Variants in LIMCH1 observed in about 807,000 individuals in gnomAD.
LIMCH1 encodes the protein LIM and calponin homology domains-containing protein 1.
A neutral mutation model predicts 176.5 loss-of-function variants in LIMCH1; 113 were observed. The ratio of observed to expected loss-of-function variants is 0.64; its 90% CI spans 0.55 to 0.75. The LOEUF (loss-of-function observed/expected upper bound fraction) is 0.75. Among genes scored for constraint, LIMCH1 ranks in the 30% least tolerant of loss-of-function variants. LIMCH1 has a pLI of 0.00. For synonymous variants in LIMCH1, 619 were observed against 645.9 expected (o/e 0.96, Z 0.63); for missense variants, 1,674 against 1,814.9 (o/e 0.92, Z 1.41).
At chr4:41,677,344 G>C (rs1390839242) in intron 23 of LIMCH1, among the ~76,000 whole-genome samples, 13 of 152,080 alleles carry the variant, frequency 8.5e-5, no homozygotes, top group Admixed American at 7.9e-4. Context: ...TGAGGCGGAG[G>C]TTGCAGTGAG....
intron 1 of LIMCH1, among the ~76,000 whole-genome samples, chr4:41,539,036 C>T (rs1048068200): frequency 6.6e-6 from 1 of 152,148 alleles, no homozygotes; most frequent in African/African-American, 2.4e-5. Context: ...GCTAAACGTT[C>T]CATGGCACTG....
chr4:41,581,904 T>G (rs2085553470), intron 1 of LIMCH1, among the ~76,000 whole-genome samples: 1 of 151,812 alleles, frequency 6.6e-6, no homozygotes, highest in Admixed American at 6.6e-5. Context: ...TGGCATAATG[T>G]CCTCCAGAGT....
chr4:41,452,290 C>T (rs1304084711), intron 1 of LIMCH1, among the ~76,000 whole-genome samples: 1 of 152,080 alleles, frequency 6.6e-6, no homozygotes, highest in Non-Finnish European at 1.5e-5. Context: ...AAGACTTGGC[C>T]TTATTTCCTT....
rs988802137 is a variant in LIMCH1, at chr4:41,617,401, C to G, written c.206-1787C>G. On this transcript the variant is annotated intron_variant, in intron 5 of 31. Transcript: ENST00000503057. ...CCTACAGTGTCTCTGAGCCTCTGTA[C>G]CCACCTTTATAAAATGGGATAGTAT... 7.2e-5 allele frequency among the ~76,000 whole-genome samples: 11 copies of G among 152,234 alleles called. No individual in the cohort carries two copies. The East Asian group carries it at 1.4e-3, about 19-fold the overall frequency.
intron 1 of LIMCH1, among the ~76,000 whole-genome samples, chr4:41,450,427 A>G (rs941602382): frequency 2.6e-5 from 4 of 152,122 alleles, no homozygotes; most frequent in Non-Finnish European, 4.4e-5. Context: ...TTGGCACTTC[A>G]TGAGCGTCTG....
rs1157297134 is a variant in LIMCH1, at chr4:41,631,312, AGCAGAAATG to A, written c.1438_1446del (p.Gln480_Trp482del). 6.5e-7 allele frequency: 1 copy of A among 1,536,178 alleles called. No homozygotes were observed. The highest frequency in any genetic ancestry group is 8.7e-7 in the Non-Finnish European group (1 of 1,146,920). ...TTTGGGCCAGTGACGGAGCTAGATCAGCAGAAATGGAAGCGGCTTAGCATTGGCAAGGCT... is the reference window on the plus strand; with the variant it reads ...TTTGGGCCAGTGACGGAGCTAGATCAGAAGCGGCTTAGCATTGGCAAGGCT... On this transcript the variant is annotated inframe_deletion, in exon 10 of 32. Transcript: ENST00000503057.
chr4:41,679,459 C>G (rs1410338229), intron 23 of LIMCH1, among the ~76,000 whole-genome samples: 1 of 152,198 alleles, frequency 6.6e-6, no homozygotes, highest in African/African-American at 2.4e-5. Context: ...AAAAACTACT[C>G]TTAATTCAGA....
At chr4:41,632,257 C>T (rs1430271658) in intron 10 of LIMCH1, among the ~76,000 whole-genome samples, 2 of 152,164 alleles carry the variant, frequency 1.3e-5, no homozygotes, top group East Asian at 1.9e-4. Flanking sequence ...TGAGGCTCTC[C>T]GTAGCAGGAA....
intron 1 of LIMCH1, among the ~76,000 whole-genome samples, chr4:41,572,905 G>A (rs78509913): frequency 0.011 from 1,653 of 152,270 alleles, 25 homozygotes; most frequent in African/African-American, 0.037. Flanking sequence ...GTGACATCAC[G>A]GAAGTACCTA....
chr4:41,361,621 C>G (rs1006145931), intron 1 of LIMCH1, among the ~76,000 whole-genome samples: 3 of 152,238 alleles, frequency 2.0e-5, no homozygotes, highest in African/African-American at 7.2e-5. Flanking sequence ...ACGGGCTACC[C>G]GGTCTGGTTG....
At chr4:41,440,616 T>C (rs977516933) in intron 1 of LIMCH1, among the ~76,000 whole-genome samples, 1 of 152,160 alleles carries the variant, frequency 6.6e-6, no homozygotes, top group African/African-American at 2.4e-5. Context: ...TACTGCAACC[T>C]CCACCTCCCA....
At chr4:41,550,676 C>T (rs2080270357) in intron 1 of LIMCH1, among the ~76,000 whole-genome samples, 1 of 152,188 alleles carries the variant, frequency 6.6e-6, no homozygotes, top group South Asian at 2.1e-4. Flanking sequence ...TTTGGCTCAT[C>T]TTGATATGAG....
intron 1 of LIMCH1, among the ~76,000 whole-genome samples, chr4:41,403,473 C>T (rs758829924): frequency 4.6e-5 from 7 of 151,914 alleles, no homozygotes; most frequent in Non-Finnish European, 8.8e-5. Flanking sequence ...CCCAGCTATT[C>T]GGGAGGCTGA....
intron 1 of LIMCH1, among the ~76,000 whole-genome samples, chr4:41,565,421 A>G (rs955225877): frequency 2.1e-4 from 31 of 150,488 alleles, no homozygotes; most frequent in African/African-American, 7.1e-4. Flanking sequence ...ACACATATAT[A>G]TGATAAATTA....
chr4:41,550,727 A>G (rs1377713364), intron 1 of LIMCH1, among the ~76,000 whole-genome samples: 1 of 152,204 alleles, frequency 6.6e-6, no homozygotes, highest in Non-Finnish European at 1.5e-5. Context: ...TCCTGAGTAG[A>G]AATGCAAGCT....
chr4:41,466,520 A>G (rs1324018443), intron 1 of LIMCH1, among the ~76,000 whole-genome samples: 1 of 152,234 alleles, frequency 6.6e-6, no homozygotes, highest in Non-Finnish European at 1.5e-5. Context: ...TTCCAAATTT[A>G]TGACTACCAA....
intron 18 of LIMCH1, among the ~76,000 whole-genome samples, chr4:41,661,106 A>ACAAGT (rs57059077): frequency 0.37 from 56,124 of 151,774 alleles, 11,405 homozygotes; most frequent in African/African-American, 0.52. Context: ...GCCAGCTTGA[A>ACAAGT]AGGCTTTCAA....
At position 41,684,675 on chromosome 4, in the gene LIMCH1, C is replaced by A. The variant is rs183478566; in HGVS notation, c.3967+157C>A. Among the ~76,000 whole-genome samples, 822 of 152,234 alleles carry A rather than the reference C, an allele frequency of 5.4e-3. 11 individuals are homozygous for A. Among genetic ancestry groups the A allele is most frequent in the African/African-American group, 0.019 (772 of 41,520 alleles). On this transcript the variant is annotated intron_variant, in intron 27 of 31. Transcript: ENST00000503057. ...TATATAGTGAATAAACTTCTACCAT[C>A]GTGTGCTCAGACTCTATAGGAACTT... is the stretch of plus-strand genomic sequence containing the variant.
At chr4:41,467,146 T>C in intron 1 of LIMCH1, among the ~76,000 whole-genome samples, 1 of 92,300 alleles carries the variant, frequency 1.1e-5, no homozygotes, top group African/African-American at 8.4e-5. Context: ...TATATATATG[T>C]GTATGTATAT....
Sources: gnomAD v4.1 joint callset for allele counts (sites outside exome capture counted in the v4.1 genomes callset) on GRCh38, gnomAD v4.1.1 for gene constraint, MANE v1.5 for transcripts, NCBI Gene and HGNC (gene_info 2026-07-23, HGNC 2026-07-21) for gene names.